FAT3: variants seen among roughly 807,000 people sequenced by gnomAD.
The protein encoded by FAT3 is protocadherin Fat 3.
FAT3 carries 95 observed loss-of-function variants against 310.2 expected under a neutral mutation model. The ratio of observed to expected loss-of-function variants is 0.31; its 90% CI spans 0.26 to 0.36. The LOEUF is 0.36. Among genes scored for constraint, FAT3 ranks in the 10% least tolerant of loss-of-function variants. FAT3 has a pLI of 1.00. For synonymous variants in FAT3, 2,314 were observed against 2,192.9 expected, an observed-to-expected ratio of 1.06 and a Z score of -1.54; for missense variants, 5,408 against 5,715.6, an observed-to-expected ratio of 0.95 and a Z score of 1.74.
chr11:92,502,348 T>C lies in FAT3; in HGVS notation c.3293-22286T>C, dbSNP rs530518641. On this transcript the variant is annotated intron_variant, in intron 2 of 27. Coordinates refer to ENST00000525166, the MANE Select transcript of FAT3 (RefSeq NM_001367949.2). ...GTGATAGACAAGTGTGGGTTTTAGATGAACCAGTTCTCAGAATCTAGTTCT... is the reference window on the plus strand; with the variant it reads ...GTGATAGACAAGTGTGGGTTTTAGACGAACCAGTTCTCAGAATCTAGTTCT... Among the ~76,000 whole-genome samples the C allele has an allele frequency of 2.8e-4, 42 of 152,216 alleles. No homozygotes were observed. In the South Asian group the frequency reaches 8.1e-3, roughly 29 times the overall value.
chr11:92,331,911 G>A (rs1330156348), intron 1 of FAT3, among the ~76,000 whole-genome samples: 4 of 152,196 alleles, frequency 2.6e-5, no homozygotes, highest in Non-Finnish European at 5.9e-5. Flanking sequence ...GGGCCATGAT[G>A]TTTTCTTAAG....
intron 19 of FAT3, among the ~76,000 whole-genome samples, chr11:92,845,351 G>C (rs1011908364): frequency 1.3e-5 from 2 of 152,222 alleles, no homozygotes; most frequent in Non-Finnish European, 2.9e-5. Flanking sequence ...GATTGCAGAG[G>C]GGAATGGATT....
intron 2 of FAT3, among the ~76,000 whole-genome samples, chr11:92,385,692 C>T (rs1157932891): frequency 6.6e-6 from 1 of 152,102 alleles, no homozygotes; most frequent in Non-Finnish European, 1.5e-5. Context: ...TTAGACACCT[C>T]ATCTCATCAG....
chr11:92,880,445 G>C (rs1949647360), intron 22 of FAT3, among the ~76,000 whole-genome samples: 2 of 151,634 alleles, frequency 1.3e-5, no homozygotes, highest in Non-Finnish European at 2.9e-5. Flanking sequence ...CCCATCTTGG[G>C]TTCTGCTCTT....
In FAT3 at chr11:92,304,152, C is replaced by T. The variant is rs151159153; in HGVS notation, c.-17-47944C>T. On this transcript the variant is annotated intron_variant, in intron 1 of 27. Transcript: ENST00000525166. The stretch of plus-strand genomic sequence containing the variant: ...GTCCTCTGAGGAGTGTGCCTCAGTA[C>T]ACCTCTCCATGAGTGCTTAGGAAGG... Among the ~76,000 whole-genome samples, 223 of 152,094 alleles carry T rather than the reference C, an allele frequency of 1.5e-3. 1 individual carries two copies. Among genetic ancestry groups the T allele is most frequent in the African/African-American group, 5.1e-3 (213 of 41,496 alleles).
chr11:92,578,220 C>T (rs1303307209), intron 3 of FAT3, among the ~76,000 whole-genome samples: 1 of 62,712 alleles, frequency 1.6e-5, no homozygotes, highest in African/African-American at 3.2e-5. Context: ...TTTTGACCAA[C>T]ACTGATAATA....
At chr11:92,345,879 G>A (rs1362097879) in intron 1 of FAT3, among the ~76,000 whole-genome samples, 2 of 152,194 alleles carry the variant, frequency 1.3e-5, no homozygotes, top group African/African-American at 4.8e-5. Context: ...TAGGGTGTTG[G>A]GGTAGATAAG....
chr11:92,605,212 C>T (rs1289387903), intron 3 of FAT3, among the ~76,000 whole-genome samples: 1 of 152,200 alleles, frequency 6.6e-6, no homozygotes, highest in Non-Finnish European at 1.5e-5. Flanking sequence ...ACAAGAAGGA[C>T]TTGACAAATC....
chr11:92,646,162 T>C (rs1173123708), intron 3 of FAT3, among the ~76,000 whole-genome samples: 1 of 152,130 alleles, frequency 6.6e-6, no homozygotes, highest in Non-Finnish European at 1.5e-5. Context: ...GGAGGTCACT[T>C]GGTGGTGGTC....
intron 3 of FAT3, among the ~76,000 whole-genome samples, chr11:92,600,331 T>G (rs1939953690): frequency 6.6e-6 from 1 of 152,194 alleles, no homozygotes; most frequent in African/African-American, 2.4e-5. Flanking sequence ...TACTCCTGAT[T>G]TACAGCTACA....
chr11:92,590,952 C>T (rs1196193189), intron 3 of FAT3, among the ~76,000 whole-genome samples: 1 of 152,024 alleles, frequency 6.6e-6, no homozygotes, highest in Non-Finnish European at 1.5e-5. Context: ...ATGGATGAGC[C>T]AACACAGACC....
chr11:92,523,711 T>A (rs189639418), intron 2 of FAT3, among the ~76,000 whole-genome samples: 9 of 152,298 alleles, frequency 5.9e-5, no homozygotes, highest in Admixed American at 5.9e-4. Context: ...TTTACAGTTT[T>A]TATACACTGA....
chr11:92,483,550 G>A (rs955735877), intron 2 of FAT3, among the ~76,000 whole-genome samples: 3 of 151,716 alleles, frequency 2.0e-5, no homozygotes, highest in African/African-American at 7.3e-5. Flanking sequence ...ACTAGACTGT[G>A]AGATCTCTGT....
At chr11:92,530,468 C>A (rs1954028839) in intron 3 of FAT3, among the ~76,000 whole-genome samples, 2 of 152,014 alleles carry the variant, frequency 1.3e-5, no homozygotes, top group South Asian at 2.1e-4. Flanking sequence ...TCACCCACTC[C>A]CAAAATCAAC....
At chr11:92,773,487 T>A (rs187601585) in intron 6 of FAT3, among the ~76,000 whole-genome samples, 1 of 152,146 alleles carries the variant, frequency 6.6e-6, no homozygotes. Flanking sequence ...CTTGCAGATA[T>A]AGAATTTTTA....
At chr11:92,684,625 G>C (rs907615486) in intron 3 of FAT3, among the ~76,000 whole-genome samples, 1 of 152,092 alleles carries the variant, frequency 6.6e-6, no homozygotes, top group Non-Finnish European at 1.5e-5. Flanking sequence ...TAGCTACTTA[G>C]TGATGTAACA....
intron 1 of FAT3, among the ~76,000 whole-genome samples, chr11:92,350,218 C>T (rs945149696): frequency 2.0e-5 from 3 of 151,636 alleles, no homozygotes; most frequent in Non-Finnish European, 2.9e-5. Context: ...CTAATAAAGT[C>T]GAGATAGGAA....
intron 2 of FAT3, among the ~76,000 whole-genome samples, chr11:92,371,073 C>T (rs755811918): frequency 3.3e-5 from 5 of 152,056 alleles, no homozygotes; most frequent in East Asian, 1.9e-4. Flanking sequence ...TTAGAAATTG[C>T]GAAGTGGAGA....
At position 92,354,075 on chromosome 11, in the gene FAT3, G is replaced by A. The variant is rs1203726256; in HGVS notation, c.1963G>A (p.Ala655Thr). The A allele has an allele frequency of 5.0e-6, 8 of 1,613,684 alleles. No individual in the cohort carries two copies. The highest frequency in any genetic ancestry group is 6.8e-6 in the Non-Finnish European group (8 of 1,179,786). Residue 655 changes from alanine to threonine, a missense_variant, in exon 2 of 28, where the codon GCA (alanine) becomes ACA (threonine). Around this residue, in one of 5 missense-constraint regions of FAT3, gnomAD observed 4,588 missense variants for 4,809.8 expected, o/e 0.95. Transcript: ENST00000525166. Reference sequence around the variant, plus strand: ...TGGCAATTTTGCCCTCAGAATTACAGCAACTGATGGAGAGAATCTTGCAGA... The same window carrying A: ...TGGCAATTTTGCCCTCAGAATTACAACAACTGATGGAGAGAATCTTGCAGA... ...KNGNFALRIT[A>T]TDGENLADPM...
Sources: allele counts gnomAD v4.1 joint callset (sites outside exome capture counted in the v4.1 genomes callset), GRCh38; gene constraint gnomAD v4.1.1; regional missense constraint gnomAD v4.1.1; transcripts MANE v1.5; gene names NCBI Gene and HGNC (gene_info 2026-07-23, HGNC 2026-07-21).